Variants in ATP8B4 observed in about 807,000 individuals in gnomAD.
ATP8B4 encodes the protein probable phospholipid-transporting ATPase IM.
Under a neutral mutation model 145.6 loss-of-function variants are expected in ATP8B4, and 133 were observed. The observed-to-expected ratio is 0.91, with a 90% CI of 0.79 to 1.05. The LOEUF is 1.05. Among genes scored for constraint, ATP8B4 ranks in the 50% least tolerant of loss-of-function variants. ATP8B4 has a pLI of 0.00. For missense variants in ATP8B4, 1,458 were observed against 1,425.2 expected, an observed-to-expected ratio of 1.02 and a Z score of -0.37; for synonymous variants, 507 against 492.9, an observed-to-expected ratio of 1.03 and a Z score of -0.38.
At chr15:50,149,683 C>G (rs2044322741) in intron 1 of ATP8B4, among the ~76,000 whole-genome samples, 1 of 152,082 alleles carries the variant, frequency 6.6e-6, no homozygotes, top group Non-Finnish European at 1.5e-5. Flanking sequence ...GAAAGACTCT[C>G]TAAAAATAAA....
chr15:50,089,905 A>C (rs1175841850), intron 2 of ATP8B4, among the ~76,000 whole-genome samples: 1 of 152,188 alleles, frequency 6.6e-6, no homozygotes, highest in African/African-American at 2.4e-5. Context: ...ACAAAGATAC[A>C]TGCACACGTA....
At chr15:50,053,838 C>A (rs1176170714) in intron 3 of ATP8B4, among the ~76,000 whole-genome samples, 3 of 152,046 alleles carry the variant, frequency 2.0e-5, no homozygotes, top group African/African-American at 7.3e-5. Context: ...TTCTAGAGAT[C>A]CTCATTATAC....
At chr15:50,023,174 T>A (rs896028100) in intron 6 of ATP8B4, among the ~76,000 whole-genome samples, 1 of 152,156 alleles carries the variant, frequency 6.6e-6, no homozygotes, top group Non-Finnish European at 1.5e-5. Flanking sequence ...GATCAAGGGG[T>A]TTCAAGACCT....
rs536592652 is a variant in ATP8B4 at position 49,961,840 on chromosome 15, A to T, written c.1287+137T>A. On this transcript the variant is annotated intron_variant, in intron 14 of 27. Transcript: ENST00000284509. ...ATGAGAAGGAATTTTGAATCATATT[A>T]ATCTATTTTTTAATGCTATGCATTA... 5 of 684,436 alleles carry T rather than the reference A, an allele frequency of 7.3e-6. No individual in the cohort carries two copies. The East Asian group carries it at 1.6e-4, about 21-fold the overall frequency. The allele number at this position is 684,436 out of a possible 1,614,324, so 42.4% of individuals were successfully genotyped here. A position where few individuals can be genotyped will look rare whatever the true frequency, so the allele number is the denominator to read the frequency against.
chr15:50,079,772 T>C (rs1265802546), intron 2 of ATP8B4, among the ~76,000 whole-genome samples: 1 of 152,252 alleles, frequency 6.6e-6, no homozygotes, highest in African/African-American at 2.4e-5. Flanking sequence ...GCATAAGCTA[T>C]GTGTTCGTTG....
At chr15:50,059,297 A>G (rs535621043) in intron 3 of ATP8B4, among the ~76,000 whole-genome samples, 2 of 152,286 alleles carry the variant, frequency 1.3e-5, no homozygotes, top group African/African-American at 4.8e-5. Context: ...GTCTCCAATC[A>G]AAACTCACTA....
intron 25 of ATP8B4, among the ~76,000 whole-genome samples, 197 bp from the exon 26 acceptor site, chr15:49,866,681 C>T (rs1293457061): frequency 6.6e-6 from 1 of 152,188 alleles, no homozygotes; most frequent in African/African-American, 2.4e-5. Context: ...AGAAAATTGA[C>T]TTTAGAACTT....
intron 1 of ATP8B4, among the ~76,000 whole-genome samples, chr15:50,129,889 A>G (rs1185970975): frequency 6.8e-6 from 1 of 146,730 alleles, no homozygotes; most frequent in African/African-American, 2.5e-5. Context: ...CGGAGGCTGC[A>G]GTGAGTCGAG....
At chr15:49,961,533 C>CCATTAAATGTCTATTGTCTAAATGT in intron 14 of ATP8B4, among the ~76,000 whole-genome samples, 2 of 152,030 alleles carry the variant, frequency 1.3e-5, no homozygotes, top group African/African-American at 4.8e-5. Context: ...TATTGAAAAT[C>CCATTAAATGTCTATTGTCTAAATGT]CTAAATGTCC....
At chr15:49,869,376 G>A (rs957152782) in intron 25 of ATP8B4, among the ~76,000 whole-genome samples, 2 of 151,800 alleles carry the variant, frequency 1.3e-5, no homozygotes, top group Non-Finnish European at 2.9e-5. Context: ...TCTTATCAAG[G>A]AAGACTAATA....
chr15:49,980,223 G>A (rs1255543919), intron 11 of ATP8B4, among the ~76,000 whole-genome samples: 1 of 152,130 alleles, frequency 6.6e-6, no homozygotes, highest in Non-Finnish European at 1.5e-5. Context: ...ACAGAGCCTG[G>A]CCAATATTTT....
chr15:50,162,187 G>A (rs1280418707), intron 1 of ATP8B4, among the ~76,000 whole-genome samples: 2 of 151,826 alleles, frequency 1.3e-5, no homozygotes, highest in African/African-American at 4.8e-5. Context: ...CTTTTCTCTT[G>A]CTGCTTTTAG....
intron 9 of ATP8B4, among the ~76,000 whole-genome samples, chr15:49,988,817 C>T (rs1172136494): frequency 6.6e-6 from 1 of 152,126 alleles, no homozygotes; most frequent in Non-Finnish European, 1.5e-5. Context: ...CCCTTTAAAA[C>T]TACTAAACAG....
At chr15:49,960,165 C>T (rs2043943361) in intron 14 of ATP8B4, among the ~76,000 whole-genome samples, 1 of 151,822 alleles carries the variant, frequency 6.6e-6, no homozygotes, top group African/African-American at 2.4e-5. Flanking sequence ...GTAGCTGGGA[C>T]TATAGGCACC....
intron 6 of ATP8B4, among the ~76,000 whole-genome samples, chr15:50,024,530 C>T (rs758880146): frequency 2.0e-5 from 3 of 152,240 alleles, no homozygotes; most frequent in South Asian, 4.1e-4. Flanking sequence ...AACATAAATG[C>T]CTGGAAAGGG....
chr15:49,947,894 G>A (rs2042720088), intron 14 of ATP8B4, among the ~76,000 whole-genome samples: 1 of 136,354 alleles, frequency 7.3e-6, no homozygotes. Flanking sequence ...CTTTTCAACA[G>A]AGTGAGGAAA....
intron 16 of ATP8B4, among the ~76,000 whole-genome samples, chr15:49,924,028 G>A (rs1369788559): frequency 2.6e-5 from 4 of 151,724 alleles, no homozygotes; most frequent in East Asian, 1.9e-4. Flanking sequence ...TTGGTGGTTC[G>A]TTCCTGGGTA....
At chr15:49,896,859 T>A (rs560758316) in intron 23 of ATP8B4, 1 of 154,680 alleles carries the variant, frequency 6.5e-6, no homozygotes, top group South Asian at 2.0e-4. Context: ...TCTAAACAGC[T>A]TTGATGTCAG....
intron 26 of ATP8B4, among the ~76,000 whole-genome samples, chr15:49,864,578 C>T (rs1176460812): frequency 6.6e-6 from 1 of 152,104 alleles, no homozygotes; most frequent in Non-Finnish European, 1.5e-5. Context: ...TGCTGGGAAT[C>T]ATTTTGAAAT....
Sources: gnomAD v4.1 joint callset for allele counts (sites outside exome capture counted in the v4.1 genomes callset) on GRCh38, gnomAD v4.1.1 for gene constraint, MANE v1.5 for transcripts, NCBI Gene and HGNC (gene_info 2026-07-23, HGNC 2026-07-21) for gene names.